LCLAT1: variants seen among roughly 807,000 people sequenced by gnomAD.
The protein encoded by LCLAT1 is 1-AGP acyltransferase 8.
In LCLAT1, 11 loss-of-function variants were observed where a neutral mutation model predicts 30.7. The observed-to-expected ratio is 0.36, with a 90% CI of 0.23 to 0.59. LCLAT1 has a LOEUF of 0.59. Among genes scored for constraint, LCLAT1 ranks in the 20% least tolerant of loss-of-function variants. The pLI, the probability that LCLAT1 is intolerant of heterozygous loss-of-function variation, is 0.77. For synonymous variants in LCLAT1, 155 were observed against 151.3 expected (o/e 1.02, Z -0.18); for missense variants, 402 against 458.6 (o/e 0.88, Z 1.13).
intron 5 of LCLAT1, among the ~76,000 whole-genome samples, chr2:30,598,829 G>A (rs180770976): frequency 1.1e-4 from 17 of 152,138 alleles, no homozygotes; most frequent in African/African-American, 3.6e-4. Context: ...AGCTGTGTTC[G>A]AGATTCCAGT....
intron 5 of LCLAT1, among the ~76,000 whole-genome samples, chr2:30,622,645 C>T (rs1237523623): frequency 6.6e-6 from 1 of 152,170 alleles, no homozygotes; most frequent in Non-Finnish European, 1.5e-5. Flanking sequence ...TGCAAACACT[C>T]CCAGTCACCA....
At chr2:30,558,782 C>A (rs143419946) in intron 3 of LCLAT1, among the ~76,000 whole-genome samples, 2 of 152,206 alleles carry the variant, frequency 1.3e-5, no homozygotes, top group Admixed American at 6.5e-5. Flanking sequence ...GGTATAATCA[C>A]TTTGAAGAAC....
At chr2:30,531,984 C>A (rs1207810003) in intron 2 of LCLAT1, among the ~76,000 whole-genome samples, 2 of 152,140 alleles carry the variant, frequency 1.3e-5, no homozygotes, top group Non-Finnish European at 2.9e-5. Context: ...ATGAAAACAT[C>A]CTCCTTTTGG....
At chr2:30,533,418 C>A in intron 3 of LCLAT1, 104 bp downstream of exon 3, 1 of 925,352 alleles carries the variant, frequency 1.1e-6, no homozygotes, top group African/African-American at 1.6e-5. Flanking sequence ...TTTTTCCTCA[C>A]TGGGCCAAAA....
chr2:30,561,499 G>T (rs1362335510), intron 3 of LCLAT1, among the ~76,000 whole-genome samples: 1 of 152,120 alleles, frequency 6.6e-6, no homozygotes, highest in African/African-American at 2.4e-5. Flanking sequence ...GAGATGGCTG[G>T]TCATCTAAAA....
intron 5 of LCLAT1, among the ~76,000 whole-genome samples, chr2:30,597,271 A>C (rs1666965193): frequency 6.6e-6 from 1 of 151,912 alleles, no homozygotes; most frequent in Non-Finnish European, 1.5e-5. Context: ...CTTCCAATCC[A>C]TGAGCATGGA....
At chr2:30,621,852 C>G (rs1003501432) in intron 5 of LCLAT1, among the ~76,000 whole-genome samples, 1 of 152,176 alleles carries the variant, frequency 6.6e-6, no homozygotes, top group Non-Finnish European at 1.5e-5. Context: ...GAGAAGGAAT[C>G]TTCCAGCTGA....
intron 1 of LCLAT1, among the ~76,000 whole-genome samples, chr2:30,493,455 A>G (rs1024404888): frequency 1.3e-5 from 2 of 152,270 alleles, no homozygotes; most frequent in Admixed American, 6.5e-5. Flanking sequence ...AAACTGTGGC[A>G]TTGAAAGCAA....
intron 2 of LCLAT1, among the ~76,000 whole-genome samples, chr2:30,526,636 T>C (rs1250444552): frequency 6.6e-6 from 1 of 152,194 alleles, no homozygotes; most frequent in Non-Finnish European, 1.5e-5. Context: ...TGTTTTGTGA[T>C]TGGATTGCAA....
chr2:30,478,946 G>A (rs1572501302), intron 1 of LCLAT1, among the ~76,000 whole-genome samples: 2 of 152,084 alleles, frequency 1.3e-5, no homozygotes, highest in African/African-American at 4.8e-5. Flanking sequence ...CCCAATTGCT[G>A]TGTTTCTTTA....
chr2:30,639,336 C>A (rs1669188373), intron 5 of LCLAT1, among the ~76,000 whole-genome samples: 1 of 152,046 alleles, frequency 6.6e-6, no homozygotes, highest in Non-Finnish European at 1.5e-5. Flanking sequence ...GGTTTAGGAC[C>A]ATGTCTTACT....
At chr2:30,476,243 T>C (rs1287133027) in intron 1 of LCLAT1, among the ~76,000 whole-genome samples, 4 of 152,236 alleles carry the variant, frequency 2.6e-5, no homozygotes, top group African/African-American at 9.6e-5. Flanking sequence ...CTACCACTTT[T>C]AGTCCAATTT....
In LCLAT1 at chr2:30,528,489, G is replaced by A. The variant is rs1428987858; in HGVS notation, c.165+2734G>A. On this transcript the variant is annotated intron_variant, in intron 2 of 5. Coordinates refer to ENST00000379509, the MANE Select transcript of LCLAT1 (RefSeq NM_001002257.3). ...TGAGATGAAATAGGAAATATGAGTG[G>A]TTCTCTGCTGAGTGTGATTCTTGTG... Among the ~76,000 whole-genome samples, 3 of 152,152 alleles carry A rather than the reference G, an allele frequency of 2.0e-5. No homozygotes were observed. The East Asian group carries it at 5.8e-4, about 29-fold the overall frequency.
intron 3 of LCLAT1, among the ~76,000 whole-genome samples, chr2:30,553,687 C>T (rs570421368): frequency 1.6e-4 from 25 of 151,934 alleles, no homozygotes; most frequent in Admixed American, 1.4e-3. Flanking sequence ...CGGTGGTGGG[C>T]GCCTGTAGTC....
chr2:30,640,840 C>T lies in LCLAT1; in HGVS notation c.*221C>T, dbSNP rs528223874. The T allele has an allele frequency of 2.3e-5, 11 of 480,816 alleles. No individual in the cohort carries two copies. Among genetic ancestry groups the T allele is most frequent in the African/African-American group, 2.0e-4 (10 of 49,612 alleles). 29.8% of individuals were successfully genotyped at this position (480,816 alleles called of 1,614,324 possible). ...TACTGTGTACATAGCAGGGAGTGATCGGGGTGAAATAACTTGGGCCAGAAT... is the reference window on the plus strand; with the variant it reads ...TACTGTGTACATAGCAGGGAGTGATTGGGGTGAAATAACTTGGGCCAGAAT... On this transcript the variant is annotated 3_prime_UTR_variant, in exon 6 of 6. Transcript: ENST00000379509.
chr2:30,505,343 T>C (rs1456642731), intron 1 of LCLAT1, among the ~76,000 whole-genome samples: 1 of 151,910 alleles, frequency 6.6e-6, no homozygotes, highest in African/African-American at 2.4e-5. Flanking sequence ...TTTTTTTTTT[T>C]TTTTTAACAA....
Position 30,644,064 on chromosome 2 carries a change from G to T in LCLAT1, c.*3445G>T, listed in dbSNP as rs1326454508. 1.3e-5 allele frequency: 2 copies of T among 152,024 alleles called. No individual in the cohort carries two copies. The highest frequency in any genetic ancestry group is 6.5e-5 in the Admixed American group (1 of 15,272). The allele number at this position is 152,024 out of a possible 1,614,324, so 9.4% of individuals were successfully genotyped here. On this transcript the variant is annotated 3_prime_UTR_variant, in exon 6 of 6. Coordinates refer to ENST00000379509, the MANE Select transcript of LCLAT1 (RefSeq NM_001002257.3). ...AATTTTCATTTTAGAAGAGAATCTT[G>T]GTTTTGGTAATTCATTTTTTTTTAA...
intron 1 of LCLAT1, chr2:30,476,274 C>T: frequency 2.6e-6 from 1 of 389,458 alleles, no homozygotes; most frequent in Non-Finnish European, 5.2e-6. Flanking sequence ...ATATTGGGAC[C>T]CAGAGAGGTT....
At chr2:30,582,445 G>A (rs1282566281) in intron 5 of LCLAT1, among the ~76,000 whole-genome samples, 1 of 152,152 alleles carries the variant, frequency 6.6e-6, no homozygotes, top group Non-Finnish European at 1.5e-5. Flanking sequence ...ATTTGTAGGT[G>A]ATTATCCTAA....
Sources: allele counts gnomAD v4.1 joint callset (sites outside exome capture counted in the v4.1 genomes callset), GRCh38; gene constraint gnomAD v4.1.1; transcripts MANE v1.5; gene names NCBI Gene and HGNC (gene_info 2026-07-23, HGNC 2026-07-21).